The following SNU13 variants were observed in gnomAD, a reference collection of about 807,000 sequenced individuals.
SNU13 encodes the protein small nuclear ribonucleoprotein 13, also known as NHP2-like protein 1.
SNU13 carries 2 observed loss-of-function variants against 12.4 expected under a neutral mutation model. The observed-to-expected ratio is 0.16, with a 90% confidence interval of 0.07 to 0.51. The LOEUF (loss-of-function observed/expected upper bound fraction) is 0.51, where lower values mean the gene tolerates loss of function less well. SNU13 is among the 20% of genes least tolerant of loss of function. SNU13 has a pLI of 0.96. For synonymous variants in SNU13, 68 were observed against 66.5 expected (o/e 1.02, Z -0.11); for missense variants, 66 against 157.8 (o/e 0.42, Z 3.12).
intron 1 of SNU13, 132 bp downstream of exon 1, chr22:41,688,662 G>C (rs1478546992): frequency 1.5e-6 from 2 of 1,294,692 alleles, no homozygotes; most frequent in Non-Finnish European, 2.1e-6. Flanking sequence ...TTCTAACTAA[G>C]GGCCCGGCGG....
In SNU13 at chr22:41,680,096, A is replaced by G. The variant is rs184994098; in HGVS notation, c.124+148T>C. On this transcript the variant is annotated intron_variant, in intron 2 of 2. Coordinates refer to ENST00000401959, the MANE Select transcript of SNU13 (RefSeq NM_001003796.2). Reference sequence around the variant, plus strand: ...TGGGTCTAAAAAAAATTCTTAGCCCATCAGCTTTAGCATCTAATGCCAAAG... The same window carrying G: ...TGGGTCTAAAAAAAATTCTTAGCCCGTCAGCTTTAGCATCTAATGCCAAAG... 9.7e-6 allele frequency: 10 copies of G among 1,026,510 alleles called. No individual in the cohort carries two copies. The Admixed American group carries it at 2.7e-4, about 28-fold the overall frequency. 63.6% of individuals were successfully genotyped at this position (1,026,510 alleles called of 1,614,324 possible).
At chr22:41,682,480 G>T in intron 1 of SNU13, 2 of 1,581,708 alleles carry the variant, frequency 1.3e-6, no homozygotes, top group Non-Finnish European at 1.7e-6. Flanking sequence ...AGGAAGTGAC[G>T]CCACTGCCGC....
chr22:41,679,989 C>T (rs2068248832), intron 2 of SNU13, among the ~76,000 whole-genome samples: 1 of 152,304 alleles, frequency 6.6e-6, no homozygotes, highest in South Asian at 2.1e-4. Flanking sequence ...GTCTCCACAA[C>T]TGCTTTCAAA....
chr22:41,675,234 G>A, intron 2 of SNU13, 39 bp from the exon 3 acceptor site: 2 of 1,599,768 alleles, frequency 1.3e-6, no homozygotes, highest in Non-Finnish European at 1.7e-6. Flanking sequence ...GGTGATGTGG[G>A]CTTGGGCAGG....
intron 2 of SNU13, chr22:41,679,806 T>C (rs1217409019): frequency 6.6e-6 from 1 of 152,660 alleles, no homozygotes; most frequent in Non-Finnish European, 1.5e-5. Flanking sequence ...TCGTGAAACG[T>C]TCCATGTTTT....
In SNU13 at chr22:41,688,827, G is replaced by T; in HGVS notation, c.-31C>A. The T allele has an allele frequency of 6.3e-7, 1 of 1,579,974 alleles. No homozygotes were observed. Reference sequence around the variant, plus strand: ...CGGTTCCGCGGGCTCAGCACTCCTAGGGGAGCGCAGCTGACGTTTCAGAAG... The same window carrying T: ...CGGTTCCGCGGGCTCAGCACTCCTATGGGAGCGCAGCTGACGTTTCAGAAG... On this transcript the variant is annotated 5_prime_UTR_variant, in exon 1 of 3. Transcript: ENST00000401959.
chr22:41,675,568 C>T lies in SNU13; in HGVS notation c.125-373G>A, dbSNP rs375700907. ...TCCCAAGCAGCTGGGATTACAGGCA[C>T]GTGCCACTGTGTTTAGCTAATTTTT... On this transcript the variant is annotated intron_variant, in intron 2 of 2. Coordinates refer to ENST00000401959, the MANE Select transcript of SNU13 (RefSeq NM_001003796.2). Among the ~76,000 whole-genome samples, 36 of 151,332 alleles carry T rather than the reference C, an allele frequency of 2.4e-4. 1 individual carries two copies. The highest frequency in any genetic ancestry group is 2.1e-3 in the East Asian group (11 of 5,134).
chr22:41,680,109 T>A, intron 2 of SNU13, 135 bp downstream of exon 2: 1 of 1,179,302 alleles, frequency 8.5e-7, no homozygotes, highest in South Asian at 1.9e-5. Flanking sequence ...AGCTTTAGCA[T>A]CTAATGCCAA....
At chr22:41,675,244 G>C (rs1296642194) in intron 2 of SNU13, 49 bp from the exon 3 acceptor site, 1 of 1,592,082 alleles carries the variant, frequency 6.3e-7, no homozygotes, top group African/African-American at 1.3e-5. Context: ...GCTTGGGCAG[G>C]GCAGCCACAA....
At chr22:41,675,620 C>T (rs1343171275) in intron 2 of SNU13, among the ~76,000 whole-genome samples, 2 of 151,872 alleles carry the variant, frequency 1.3e-5, no homozygotes, top group Non-Finnish European at 2.9e-5. Context: ...GAGGGCTTCA[C>T]CATGTTGTCC....
At chr22:41,678,766 G>A (rs571378519) in intron 2 of SNU13, among the ~76,000 whole-genome samples, 1 of 152,292 alleles carries the variant, frequency 6.6e-6, no homozygotes, top group South Asian at 2.1e-4. Context: ...ACTGCAGTGT[G>A]ACGAGCAGGG....
chr22:41,678,926 C>T (rs1438642153), intron 2 of SNU13, among the ~76,000 whole-genome samples: 1 of 152,190 alleles, frequency 6.6e-6, no homozygotes, highest in Non-Finnish European at 1.5e-5. Context: ...GACAAAAGAG[C>T]TCTACCACAT....
At position 41,680,299 on chromosome 22, in the gene SNU13, C is replaced by T; in HGVS notation, c.69G>A (p.Leu23=). The T allele has an allele frequency of 1.9e-6, 3 of 1,614,042 alleles. No individual in the cohort carries two copies. The highest frequency in any genetic ancestry group is 2.5e-6 in the Non-Finnish European group (3 of 1,179,982). Reference sequence around the variant, plus strand: ...AGTTACATGACTGCTGAACGAGGTCCAGTAGCTTCTTGGTGAGGTGGGCAT... The same window carrying T: ...AGTTACATGACTGCTGAACGAGGTCTAGTAGCTTCTTGGTGAGGTGGGCAT... The part of the protein sequence containing the change: ...LADAHLTKKL[L]DLVQQSCNYK... The change falls in exon 2 of 3, where the codon CTG becomes CTA. Residue 23 remains leucine (L), a synonymous_variant. Coordinates refer to ENST00000401959, the MANE Select transcript of SNU13 (RefSeq NM_001003796.2).
Position 41,685,705 on chromosome 22 carries a change from C to T in SNU13, c.3+3089G>A, listed in dbSNP as rs374140853. On this transcript the variant is annotated intron_variant, in intron 1 of 2. Transcript: ENST00000401959. ...TTTAGGCTGGGTGTGGTGGCTCACG[C>T]CTGTAATCCCACCTCTTTGGGAGGC... Among the ~76,000 whole-genome samples the T allele has an allele frequency of 2.6e-5, 4 of 151,672 alleles. 1 individual carries two copies. The South Asian group carries it at 6.2e-4, about 24-fold the overall frequency.
rs143518762 is a variant in SNU13, at chr22:41,684,076, G to C, written c.4-3712C>G. Among the ~76,000 whole-genome samples the C allele has an allele frequency of 2.6e-3, 390 of 152,176 alleles. 5 individuals are homozygous for C. Among genetic ancestry groups the C allele is most frequent in the South Asian group, 0.021 (102 of 4,830 alleles). On this transcript the variant is annotated intron_variant, in intron 1 of 2. Coordinates refer to ENST00000401959, the MANE Select transcript of SNU13 (RefSeq NM_001003796.2). ...GCGTCACCACACCGGGCTAATTTTT[G>C]TATTTTTTAGTAGAGACTGGGTTTT...
At chr22:41,690,195 G>A (rs1291887223), upstream of SNU13, among the ~76,000 whole-genome samples, 1 of 152,130 alleles carries the variant, frequency 6.6e-6, no homozygotes, top group African/African-American at 2.4e-5. Context: ...AACGAGAAAG[G>A]CATGTTGAGT....
chr22:41,677,761 T>C (rs1342230492), intron 2 of SNU13, among the ~76,000 whole-genome samples: 1 of 152,014 alleles, frequency 6.6e-6, no homozygotes, highest in African/African-American at 2.4e-5. Flanking sequence ...TCCTAGTACC[T>C]CTCATCCCCA....
rs745569850 is a variant in SNU13 at position 41,680,356 on chromosome 22, A to G, written c.12T>C (p.Ala4=). The change falls in exon 2 of 3, where the codon GCT becomes GCC. Residue 4 remains alanine, a synonymous_variant. Transcript: ENST00000401959. MTE[A]DVNPKAYPLA... ...GGGGATAGGCCTTTGGATTCACATC[A>G]GCCTCAGTCTATGGGGGGGACATAA... 6.2e-7 allele frequency: 1 copy of G among 1,613,478 alleles called. No individual in the cohort carries two copies.
upstream of SNU13, chr22:41,688,961 G>C (rs769135197): frequency 7.4e-6 from 10 of 1,357,984 alleles, no homozygotes; most frequent in African/African-American, 2.9e-5. Flanking sequence ...CTCTACGGGG[G>C]CACTGGCGCG....
Sources: allele counts gnomAD v4.1 joint callset (sites outside exome capture counted in the v4.1 genomes callset), GRCh38; gene constraint gnomAD v4.1.1; transcripts MANE v1.5; gene names NCBI Gene and HGNC (gene_info 2026-07-23, HGNC 2026-07-21).